The following SHISA9 variants were observed in gnomAD, a reference collection of about 807,000 sequenced individuals.
SHISA9 encodes the protein protein shisa-9.
Under a neutral mutation model 38.0 loss-of-function variants are expected in SHISA9, and 13 were observed. The observed-to-expected ratio is 0.34, with a 90% CI of 0.22 to 0.54. SHISA9 has a LOEUF of 0.54. SHISA9 is among the 20% of genes least tolerant of loss of function. SHISA9 has a pLI of 0.91. For missense variants in SHISA9, 538 were observed against 575.8 expected, an observed-to-expected ratio of 0.93 and a Z score of 0.67; for synonymous variants, 275 against 242.0, an observed-to-expected ratio of 1.14 and a Z score of -1.27.
intron 2 of SHISA9, among the ~76,000 whole-genome samples, chr16:13,023,570 T>G (rs1204392353): frequency 6.6e-6 from 1 of 152,216 alleles, no homozygotes; most frequent in African/African-American, 2.4e-5. Flanking sequence ...GTATTTCTAG[T>G]TCTAGATCCC....
At chr16:12,939,191 C>G (rs919146637) in intron 2 of SHISA9, among the ~76,000 whole-genome samples, 2 of 152,104 alleles carry the variant, frequency 1.3e-5, no homozygotes, top group East Asian at 3.9e-4. Flanking sequence ...TCAAGCGATT[C>G]TCCTGCCTTA....
chr16:13,144,327 A>AT (rs1422141295), intron 2 of SHISA9, among the ~76,000 whole-genome samples: 1 of 151,792 alleles, frequency 6.6e-6, no homozygotes, highest in Non-Finnish European at 1.5e-5. Flanking sequence ...TAATTTTTGT[A>AT]TTTTTAGTAG....
chr16:13,387,677 A>T, the SHISA9 span, among the ~76,000 whole-genome samples: 2 of 151,898 alleles, frequency 1.3e-5, no homozygotes, highest in African/African-American at 4.8e-5. Context: ...TTTAGTAGAG[A>T]CAATGTTTCA....
At chr16:13,449,270 G>T in the SHISA9 span, among the ~76,000 whole-genome samples, 7 of 152,054 alleles carry the variant, frequency 4.6e-5, no homozygotes, top group Non-Finnish European at 1.0e-4. Context: ...AATGTTCAAG[G>T]AATAGACCAA....
chr16:13,174,364 C>G (rs2050713886), intron 2 of SHISA9, among the ~76,000 whole-genome samples: 1 of 152,132 alleles, frequency 6.6e-6, no homozygotes, highest in African/African-American at 2.4e-5. Flanking sequence ...GGCCCCAGAT[C>G]AGTTCACAGA....
intron 4 of SHISA9, among the ~76,000 whole-genome samples, chr16:13,226,495 A>G (rs1429180834): frequency 6.6e-6 from 1 of 152,202 alleles, no homozygotes; most frequent in East Asian, 1.9e-4. Context: ...TATAACTCAG[A>G]TATCCTTTCA....
chr16:13,149,445 C>A (rs2050477511), intron 2 of SHISA9, among the ~76,000 whole-genome samples: 1 of 152,182 alleles, frequency 6.6e-6, no homozygotes, highest in African/African-American at 2.4e-5. Flanking sequence ...AGAAGAACCA[C>A]TGTGTTGCCA....
At chr16:13,334,397 T>C in the SHISA9 span, among the ~76,000 whole-genome samples, 191 of 152,198 alleles carry the variant, frequency 1.3e-3, no homozygotes, top group African/African-American at 4.0e-3. Flanking sequence ...TAGCAGAGGG[T>C]TCTTCTGTCT....
the SHISA9 span, chr16:13,562,857 T>C: frequency 2.0e-5 from 3 of 149,418 alleles, no homozygotes; most frequent in East Asian, 3.9e-4. Flanking sequence ...AATATACTCA[T>C]AGAAATGCAC....
rs1487881958 is a variant in SHISA9, at chr16:12,902,594, A to G, written c.530A>G (p.Lys177Arg). The G allele has an allele frequency of 3.2e-6, 5 of 1,550,718 alleles. No individual in the cohort carries two copies. Among genetic ancestry groups the G allele is most frequent in the African/African-American group, 2.7e-5 (2 of 73,006 alleles). ...VGIFTKLGLE[K>R]AHRPQREHMS... ...ATCTTCACCAAGCTGGGGCTGGAGA[A>G]AGCGCACCGGCCCCAAAGGGAGCAC... Residue 177 changes from lysine to arginine, a missense_variant, in exon 1 of 5, where the codon AAA (lysine) becomes AGA (arginine). Lys to Arg is a conservative substitution (Grantham distance 26). Coordinates refer to ENST00000558583, the MANE Select transcript of SHISA9 (RefSeq NM_001145204.3).
In SHISA9 at chr16:13,054,801, T is replaced by A. The variant is rs543107097; in HGVS notation, c.691+137986T>A. Among the ~76,000 whole-genome samples, 4 of 152,366 alleles carry A rather than the reference T, an allele frequency of 2.6e-5. No individual in the cohort carries two copies. The East Asian group carries it at 7.7e-4, about 29-fold the overall frequency. On this transcript the variant is annotated intron_variant, in intron 2 of 4. Transcript: ENST00000558583. The stretch of plus-strand genomic sequence containing the variant: ...CTCATGAGTGATGTTCAACTTGCTC[T>A]CTGCCTTCCAGCCACACTGACTTCA...
the SHISA9 span, among the ~76,000 whole-genome samples, chr16:13,449,461 T>C: frequency 1.3e-5 from 2 of 152,126 alleles, no homozygotes; most frequent in African/African-American, 4.8e-5. Context: ...GGGGAAGCTA[T>C]TGATTGGAAA....
rs145333881 is a variant in SHISA9 at position 12,953,918 on chromosome 16, G to A, written c.691+37103G>A. ...ACACTTTAAAACCATCAGCTCTTGT[G>A]AGAACTCACTCACTGTCATGAGAAC... On this transcript the variant is annotated intron_variant, in intron 2 of 4. Coordinates refer to ENST00000558583, the MANE Select transcript of SHISA9 (RefSeq NM_001145204.3). Among the ~76,000 whole-genome samples the A allele has an allele frequency of 1.0e-2, 1,515 of 152,248 alleles. 6 individuals are homozygous for A. Among genetic ancestry groups the A allele is most frequent in the East Asian group, 0.028 (147 of 5,180 alleles).
the SHISA9 span, among the ~76,000 whole-genome samples, chr16:13,446,887 C>T: frequency 6.6e-6 from 1 of 151,086 alleles, no homozygotes. Flanking sequence ...GGCTGAGGAA[C>T]GAGAATCGCT....
At chr16:13,310,775 C>A in the SHISA9 span, among the ~76,000 whole-genome samples, 1 of 151,310 alleles carries the variant, frequency 6.6e-6, no homozygotes, top group Admixed American at 6.6e-5. Context: ...CCTCGGCCTC[C>A]CAGGTCCAAG....
At position 13,063,867 on chromosome 16, in the gene SHISA9, G is replaced by A. The variant is rs116248491; in HGVS notation, c.692-139527G>A. 6.4e-3 allele frequency among the ~76,000 whole-genome samples: 976 copies of A among 152,258 alleles called. 10 individuals carry two copies. The highest frequency in any genetic ancestry group is 0.022 in the African/African-American group (922 of 41,544). ...GGTTTGTCCAGAGCCCACTCTTTGC[G>A]TAGCCCTAACCCATTCTGACAGCCA... On this transcript the variant is annotated intron_variant, in intron 2 of 4. Coordinates refer to ENST00000558583, the MANE Select transcript of SHISA9 (RefSeq NM_001145204.3).
chr16:13,388,228 C>T, the SHISA9 span, among the ~76,000 whole-genome samples: 10 of 151,346 alleles, frequency 6.6e-5, no homozygotes, highest in Non-Finnish European at 1.3e-4. Context: ...TCTATAGAAA[C>T]GTGAATGGGA....
chr16:13,131,419 C>T (rs1472721549), intron 2 of SHISA9, among the ~76,000 whole-genome samples: 1 of 151,994 alleles, frequency 6.6e-6, no homozygotes, highest in African/African-American at 2.4e-5. Context: ...CCAATAAGAA[C>T]ACATGGACAC....
the SHISA9 span, among the ~76,000 whole-genome samples, chr16:13,378,821 G>C: frequency 2.0e-5 from 3 of 152,186 alleles, no homozygotes; most frequent in Non-Finnish European, 4.4e-5. Flanking sequence ...AGGATCATAT[G>C]CATTCTAATT....
Sources: allele counts gnomAD v4.1 joint callset (sites outside exome capture counted in the v4.1 genomes callset), GRCh38; gene constraint gnomAD v4.1.1; transcripts MANE v1.5; gene names NCBI Gene and HGNC (gene_info 2026-07-23, HGNC 2026-07-21).